ZNF175: variants seen among roughly 807,000 people sequenced by gnomAD.
ZNF175 encodes the protein zinc finger protein OTK18.
A neutral mutation model predicts 14.0 loss-of-function variants in ZNF175; 8 were observed. That is an observed-to-expected ratio of 0.57 (90% CI 0.34 to 1.03). The LOEUF is 1.03. Among genes scored for constraint, ZNF175 ranks in the 50% least tolerant of loss-of-function variants. ZNF175 has a pLI of 0.03. For missense variants in ZNF175, 764 were observed against 849.5 expected (o/e 0.90, Z 1.25); for synonymous variants, 255 against 296.8 (o/e 0.86, Z 1.45).
At position 51,587,892 on chromosome 19, in the gene ZNF175, C is replaced by G; in HGVS notation, c.1561C>G (p.His521Asp). The G allele has an allele frequency of 6.2e-7, 1 of 1,614,158 alleles. No individual in the cohort carries two copies. The highest frequency in any genetic ancestry group is 8.5e-7 in the Non-Finnish European group (1 of 1,180,026). Reference protein sequence around the residue: ...TFTQKSHLNIHQKIHTGERHH... With the variant: ...TFTQKSHLNIDQKIHTGERHH... ...CACCCAAAAGTCACACCTGAATATA[C>G]ACCAGAAAATTCATACTGGAGAAAG... Residue 521 changes from histidine (H) to aspartate (D), a missense_variant, in exon 5 of 5, where the codon CAC becomes GAC. His to Asp is a moderately conservative substitution (Grantham distance 81, BLOSUM62 -1). Transcript: ENST00000262259.
chr19:51,581,706 T>A (rs1982009140), intron 3 of ZNF175, 81 bp from the exon 4 acceptor site: 9 of 1,551,138 alleles, frequency 5.8e-6, no homozygotes, highest in Non-Finnish European at 7.8e-6. Context: ...ACTTTTCTAA[T>A]GAGCCAGTGT....
chr19:51,573,054 C>G (rs1487552554), intron 1 of ZNF175, 96 bp from the exon 2 acceptor site: 1 of 423,912 alleles, frequency 2.4e-6, no homozygotes, highest in African/African-American at 2.1e-5. Context: ...TTTGTCTACT[C>G]CAATGTCTGA....
In ZNF175 at chr19:51,588,802, T is replaced by C. The variant is rs1982262559; in HGVS notation, c.*335T>C. ...AGACAGGTTGTTACTCGATTATTTA[T>C]AGTAAAATATGTGGGAAATTATATC... On this transcript the variant is annotated 3_prime_UTR_variant, in exon 5 of 5. Transcript: ENST00000262259. The C allele has an allele frequency of 4.9e-6, 2 of 405,460 alleles. No homozygotes were observed. Among genetic ancestry groups the C allele is most frequent in the East Asian group, 7.1e-5 (2 of 28,158 alleles). 25.1% of individuals were successfully genotyped at this position (405,460 alleles called of 1,614,324 possible).
rs1219127851 is a variant in ZNF175, at chr19:51,588,412, C to T, written c.2081C>T (p.Thr694Ile). 6 of 1,598,342 alleles carry T rather than the reference C, an allele frequency of 3.8e-6. No individual in the cohort carries two copies. Among genetic ancestry groups the T allele is most frequent in the Non-Finnish European group, 5.1e-6 (6 of 1,174,602 alleles). The change falls in exon 5 of 5, where the codon ACC becomes ATC. Residue 694 changes from threonine (T) to isoleucine (I), a missense_variant. Coordinates refer to ENST00000262259, the MANE Select transcript of ZNF175 (RefSeq NM_007147.4). ...SNFNKHQTTH[T>I]RDKSYKCSYS... is the part of the protein sequence containing the mutation. ...TTCAATAAACACCAAACAACTCATA[C>T]CAGAGACAAATCTTACAAATGCAGT... is the stretch of plus-strand genomic sequence containing the variant.
intron 2 of ZNF175, among the ~76,000 whole-genome samples, chr19:51,578,477 G>A (rs115629943): frequency 2.0e-4 from 31 of 152,038 alleles, no homozygotes; most frequent in African/African-American, 6.5e-4. Context: ...CCTATAAAAC[G>A]TTGAGGACGG....
Position 51,587,669 on chromosome 19 carries a change from C to A in ZNF175, c.1338C>A (p.Ser446=), listed in dbSNP as rs1186516350. Residue 446 remains serine, a synonymous_variant, in exon 5 of 5, where the codon TCC becomes TCA. Transcript: ENST00000262259. Reference sequence around the variant, plus strand: ...AGAGAATCCACTCAGGGCAGAAGTCCTATGTGTGTATCGAATGCGGGCAGG... The same window carrying A: ...AGAGAATCCACTCAGGGCAGAAGTCATATGTGTGTATCGAATGCGGGCAGG... ...LHQRIHSGQK[S]YVCIECGQAF... The A allele has an allele frequency of 2.5e-6, 4 of 1,613,728 alleles. No homozygotes were observed. In the Admixed American group the frequency reaches 5.0e-5, roughly 20 times the overall value.
intron 2 of ZNF175, chr19:51,573,772 G>T (rs1981676776): frequency 8.5e-6 from 3 of 354,438 alleles, no homozygotes; most frequent in Middle Eastern, 7.0e-4. Context: ...TCCTTGCTTG[G>T]TCCATGGGGT....
chr19:51,577,105 AAATGATATGAAAATG>A (rs1304472793), intron 2 of ZNF175, among the ~76,000 whole-genome samples: 2 of 152,198 alleles, frequency 1.3e-5, no homozygotes, highest in South Asian at 2.1e-4. Context: ...CATGAAAGTG[AAATGATATGAAAATG>A]AATGATATGA....
chr19:51,578,160 A>C (rs1328939767), intron 2 of ZNF175, among the ~76,000 whole-genome samples: 1 of 151,860 alleles, frequency 6.6e-6, no homozygotes, highest in African/African-American at 2.4e-5. Context: ...GCACTTTGGG[A>C]GGCCGAGGCG....
Position 51,588,602 on chromosome 19 carries a change from T to G in ZNF175, c.*135T>G. 1.1e-6 allele frequency: 1 copy of G among 940,906 alleles called. No homozygotes were observed. Among genetic ancestry groups the G allele is most frequent in the Non-Finnish European group, 1.5e-6 (1 of 669,764 alleles). The allele number at this position is 940,906 out of a possible 1,614,324, so 58.3% of individuals were successfully genotyped here. A position where few individuals can be genotyped will look rare whatever the true frequency, so the allele number is the denominator to read the frequency against. ...AGAAAAACTCTAGGGATGCACTGCA[T>G]GTGTGAACACATGATAAAAAAGTCA... On this transcript the variant is annotated 3_prime_UTR_variant, in exon 5 of 5. Transcript: ENST00000262259.
At chr19:51,575,085 C>G (rs969533247) in intron 2 of ZNF175, among the ~76,000 whole-genome samples, 5 of 151,156 alleles carry the variant, frequency 3.3e-5, no homozygotes, top group African/African-American at 1.2e-4. Flanking sequence ...ATTTGCATTA[C>G]TTTGTTTACA....
At chr19:51,571,810 CT>C (rs1981595303) in intron 1 of ZNF175, among the ~76,000 whole-genome samples, 1 of 152,112 alleles carries the variant, frequency 6.6e-6, no homozygotes, top group South Asian at 2.1e-4. Flanking sequence ...CAGCCAAGAG[CT>C]TCAGAGGTTG....
At position 51,581,289 on chromosome 19, in the gene ZNF175, G is replaced by C. The variant is rs184721935; in HGVS notation, c.73-102G>C. ...GTGTTTGGTGGGAAGCCTCTGTGAT[G>C]GATCGTGGTGAAAATCATTAAAAGC... On this transcript the variant is annotated intron_variant, in intron 2 of 4. Coordinates refer to ENST00000262259, the MANE Select transcript of ZNF175 (RefSeq NM_007147.4). 3 of 1,548,746 alleles carry C rather than the reference G, an allele frequency of 1.9e-6. No individual in the cohort carries two copies. In the East Asian group the frequency reaches 6.8e-5, roughly 35 times the overall value.
At position 51,587,847 on chromosome 19, in the gene ZNF175, A is replaced by G. The variant is rs1223941651; in HGVS notation, c.1516A>G (p.Ser506Gly). 1 of 1,614,188 alleles carries G rather than the reference A, an allele frequency of 6.2e-7. No homozygotes were observed. The highest frequency in any genetic ancestry group is 2.2e-5 in the East Asian group (1 of 44,882). ...TACAGGGGAGAAACCTTATGAATGC[A>G]GTGACTGTGGAAAAACCTTCACCCA... Reference protein sequence around the residue: ...IHTGEKPYECSDCGKTFTQKS... With the variant: ...IHTGEKPYECGDCGKTFTQKS... The change falls in exon 5 of 5, where the codon AGT becomes GGT. Residue 506 changes from serine to glycine, a missense_variant. Ser to Gly is a moderately conservative substitution (Grantham distance 56). Coordinates refer to ENST00000262259, the MANE Select transcript of ZNF175 (RefSeq NM_007147.4).
At chr19:51,577,839 A>AT (rs982667511) in intron 2 of ZNF175, among the ~76,000 whole-genome samples, 1 of 151,040 alleles carries the variant, frequency 6.6e-6, no homozygotes, top group Non-Finnish European at 1.5e-5. Context: ...AATTTTTTGT[A>AT]TTTTTAGTAG....
rs947595771 is a variant in ZNF175 at position 51,589,799 on chromosome 19, T to C, written c.*1332T>C. On this transcript the variant is annotated 3_prime_UTR_variant, in exon 5 of 5. Transcript: ENST00000262259. ...CAGAATTGAGTAGTTTTGGCGGAGATCAAATAGCCCCCAAGCTGGAAACTG... is the reference window on the plus strand; with the variant it reads ...CAGAATTGAGTAGTTTTGGCGGAGACCAAATAGCCCCCAAGCTGGAAACTG... The C allele has an allele frequency of 5.3e-6, 3 of 561,216 alleles. No homozygotes were observed. Among genetic ancestry groups the C allele is most frequent in the Admixed American group, 3.4e-5 (1 of 29,104 alleles). The allele number at this position is 561,216 out of a possible 1,614,324, so 34.8% of individuals were successfully genotyped here.
chr19:51,577,915 G>A (rs1012855486), intron 2 of ZNF175, among the ~76,000 whole-genome samples: 24 of 151,012 alleles, frequency 1.6e-4, no homozygotes, highest in Admixed American at 4.6e-4. Flanking sequence ...CGCCCGCCTT[G>A]GCCTCCCAAA....
intron 4 of ZNF175, among the ~76,000 whole-genome samples, chr19:51,582,864 CT>C (rs1247365149): frequency 6.6e-6 from 1 of 151,750 alleles, no homozygotes; most frequent in Non-Finnish European, 1.5e-5. Flanking sequence ...GGCATCTTTT[CT>C]TTTTTTTGAG....
At position 51,587,569 on chromosome 19, in the gene ZNF175, A is replaced by G; in HGVS notation, c.1238A>G (p.His413Arg). 4 of 1,614,186 alleles carry G rather than the reference A, an allele frequency of 2.5e-6. No individual in the cohort carries two copies. Among genetic ancestry groups the G allele is most frequent in the Non-Finnish European group, 3.4e-6 (4 of 1,180,014 alleles). The part of the protein sequence containing the change: ...NSTLIIHQKI[H>R]TGERQYACSE... The stretch of plus-strand genomic sequence containing the variant: ...ACCCTCATTATACATCAGAAAATTC[A>G]TACTGGTGAGAGACAGTATGCATGC... Residue 413 changes from histidine (H) to arginine (R), a missense_variant, in exon 5 of 5, where the codon CAT becomes CGT. His to Arg is a conservative substitution (Grantham distance 29). Transcript: ENST00000262259.
Sources: gnomAD v4.1 joint callset for allele counts (sites outside exome capture counted in the v4.1 genomes callset) on GRCh38, gnomAD v4.1.1 for gene constraint, MANE v1.5 for transcripts, NCBI Gene and HGNC (gene_info 2026-07-23, HGNC 2026-07-21) for gene names.